TRMT10B: variants seen among roughly 807,000 people sequenced by gnomAD.
The protein encoded by TRMT10B is tRNA methyltransferase 10B.
Under a neutral mutation model 43.8 loss-of-function variants are expected in TRMT10B, and 33 were observed. The ratio of observed to expected loss-of-function variants is 0.75; its 90% confidence interval spans 0.57 to 1.01. TRMT10B has a LOEUF of 1.01. Ranked by LOEUF, TRMT10B falls within the 50% of genes least tolerant of loss-of-function variation. The pLI is 0.00. For synonymous variants in TRMT10B, 137 were observed against 130.6 expected (o/e 1.05, Z -0.34); for missense variants, 362 against 369.8 (o/e 0.98, Z 0.17).
chr9:37,768,945 C>G (rs1459372653), intron 5 of TRMT10B, among the ~76,000 whole-genome samples: 1 of 152,180 alleles, frequency 6.6e-6, no homozygotes, highest in African/African-American at 2.4e-5. Context: ...AGTTCCCTTA[C>G]TTTCCTGTCT....
rs1251665662 is a variant in TRMT10B at position 37,774,496 on chromosome 9, TTTC to T, written c.721-1782_721-1780del. On this transcript the variant is annotated intron_variant, in intron 7 of 8. Transcript: ENST00000297994. ...TCACAGAAATAAGCTAAGAACAACA[TTTC>T]TTCAAGGAGAGTCATTTTATTATGA... is the stretch of plus-strand genomic sequence containing the variant. Among the ~76,000 whole-genome samples, 7 of 152,352 alleles carry T rather than the reference TTTC, an allele frequency of 4.6e-5. No homozygotes were observed. In the East Asian group the frequency reaches 1.3e-3, roughly 29 times the overall value.
chr9:37,755,239 C>G (rs1443565356), intron 1 of TRMT10B, among the ~76,000 whole-genome samples: 1 of 150,710 alleles, frequency 6.6e-6, no homozygotes, highest in Non-Finnish European at 1.5e-5. Context: ...CCACTGCACT[C>G]CAGCCTGGGC....
intron 1 of TRMT10B, among the ~76,000 whole-genome samples, chr9:37,754,985 A>C (rs17515112): frequency 0.13 from 19,377 of 152,186 alleles, 1,400 homozygotes; most frequent in Non-Finnish European, 0.16. Flanking sequence ...TATAAAGGTC[A>C]CAGGGTCGGG....
chr9:37,762,514 T>C, intron 2 of TRMT10B, 63 bp from the exon 3 acceptor site: 1 of 1,517,036 alleles, frequency 6.6e-7, no homozygotes, highest in Non-Finnish European at 8.8e-7. Flanking sequence ...GTTTCTAATG[T>C]TCATTTTCCT....
In TRMT10B at chr9:37,768,112, T is replaced by C. The variant is rs748067236; in HGVS notation, c.457T>C (p.Tyr153His). ...SRLAGQIRRL[Y>H]GSNKKADRPF... is the part of the protein sequence containing the mutation. ...ACTGGCTGGACAGATTCGAAGGTTG[T>C]ATGGTTCAAACAAAAAAGCTGACAG... is the stretch of plus-strand genomic sequence containing the variant. Residue 153 changes from tyrosine to histidine, a missense_variant, in exon 5 of 9, where the codon TAT (tyrosine) becomes CAT (histidine). Transcript: ENST00000297994. The C allele has an allele frequency of 6.2e-7, 1 of 1,614,108 alleles. No individual in the cohort carries two copies. The highest frequency in any genetic ancestry group is 8.5e-7 in the Non-Finnish European group (1 of 1,179,996).
chr9:37,770,604 T>A (rs1033650947), intron 6 of TRMT10B, 68 bp from the exon 7 acceptor site: 1 of 1,384,344 alleles, frequency 7.2e-7, no homozygotes, highest in East Asian at 2.3e-5. Context: ...AATTCTTTCA[T>A]TTTGCTTTCT....
rs766105133 is a variant in TRMT10B at position 37,759,506 on chromosome 9, G to GAGA, written c.-29-2392_-29-2390dup. Among the ~76,000 whole-genome samples the GAGA allele has an allele frequency of 2.0e-5, 3 of 152,238 alleles. No homozygotes were observed. In the South Asian group the frequency reaches 6.2e-4, roughly 32 times the overall value. On this transcript the variant is annotated intron_variant, in intron 1 of 8. Coordinates refer to ENST00000297994, the MANE Select transcript of TRMT10B (RefSeq NM_144964.4). ...GGGATGAAGACTGATTTGGAAAGTG[G>GAGA]AGAAGAAAGTTAAACTTTCTGGGGA...
chr9:37,753,484 C>G (rs550426439), upstream of TRMT10B, among the ~76,000 whole-genome samples: 1 of 151,596 alleles, frequency 6.6e-6, no homozygotes, highest in Non-Finnish European at 1.5e-5. Context: ...CAGTCGGGTG[C>G]GGGCCTTAGA....
chr9:37,768,646 T>C (rs553203716), intron 5 of TRMT10B, among the ~76,000 whole-genome samples: 2 of 152,230 alleles, frequency 1.3e-5, no homozygotes, highest in Non-Finnish European at 2.9e-5. Flanking sequence ...CTCATACATT[T>C]AGTGATACAT....
chr9:37,767,512 C>CAAAAAAAAAAAAAA (rs1376563452), intron 4 of TRMT10B: 3 of 60,864 alleles, frequency 4.9e-5, no homozygotes, highest in South Asian at 5.8e-4. Flanking sequence ...GACCCTGTCT[C>CAAAAAAAAAAAAAA]CAAAAAAAAA....
chr9:37,759,235 C>G (rs962014416), intron 1 of TRMT10B, among the ~76,000 whole-genome samples: 10 of 152,158 alleles, frequency 6.6e-5, no homozygotes, highest in African/African-American at 2.4e-4. Context: ...TGGAAAAGAT[C>G]TCAAATGCCC....
intron 4 of TRMT10B, among the ~76,000 whole-genome samples, chr9:37,764,750 C>T (rs1826800405): frequency 6.6e-6 from 1 of 152,088 alleles, no homozygotes; most frequent in Non-Finnish European, 1.5e-5. Context: ...AATTGATGCT[C>T]ATTCACCTCA....
upstream of TRMT10B, among the ~76,000 whole-genome samples, chr9:37,753,334 G>A (rs1825161249): frequency 6.6e-6 from 1 of 152,204 alleles, no homozygotes; most frequent in African/African-American, 2.4e-5. Context: ...ATTCTGTTGT[G>A]TCAGTCCCCG....
intron 1 of TRMT10B, among the ~76,000 whole-genome samples, chr9:37,754,282 T>G (rs1825353507): frequency 6.6e-6 from 1 of 152,176 alleles, no homozygotes; most frequent in Non-Finnish European, 1.5e-5. Context: ...ATAGGTTATG[T>G]TGGATAGTAA....
rs910078657 is a variant in TRMT10B, at chr9:37,762,025, C to T, written c.94C>T (p.Leu32Phe). The T allele has an allele frequency of 1.9e-6, 3 of 1,614,016 alleles. No individual in the cohort carries two copies. The highest frequency in any genetic ancestry group is 2.7e-5 in the African/African-American group (2 of 74,930). The change falls in exon 2 of 9, where the codon CTT becomes TTT. Residue 32 changes from leucine (L) to phenylalanine (F), a missense_variant. Physicochemically the swap from Leu to Phe is conservative, Grantham distance 22. Transcript: ENST00000297994. ...GILEETGEDGLPEGFQLLQID... is the reference protein window; with the variant it reads ...GILEETGEDGFPEGFQLLQID... Reference sequence around the variant, plus strand: ...CCTAGAGGAGACAGGTGAAGATGGACTTCCTGAAGGCTTCCAGCTTCTGCA... The same window carrying T: ...CCTAGAGGAGACAGGTGAAGATGGATTTCCTGAAGGCTTCCAGCTTCTGCA...
intron 3 of TRMT10B, among the ~76,000 whole-genome samples, chr9:37,763,267 C>T (rs1179396117): frequency 2.0e-5 from 3 of 151,478 alleles, no homozygotes; most frequent in African/African-American, 7.3e-5. Context: ...AATATTTATT[C>T]AGTATTCTGT....
At chr9:37,776,214 CTGTATTACATTGAGAATATACTCA>C (rs1413412058) in intron 7 of TRMT10B, 44 bp from the exon 8 acceptor site, 1 of 1,227,594 alleles carries the variant, frequency 8.1e-7, no homozygotes, top group African/African-American at 1.6e-5. Context: ...ATTTTTAATG[CTGTATTACATTGAGAATATACTCA>C]TGTATAATTT....
At chr9:37,771,086 T>C (rs921043421) in intron 7 of TRMT10B, among the ~76,000 whole-genome samples, 1 of 152,232 alleles carries the variant, frequency 6.6e-6, no homozygotes, top group Non-Finnish European at 1.5e-5. Flanking sequence ...TTGCTCCTTC[T>C]AAGGTTGATC....
At chr9:37,774,071 G>C (rs546985641) in intron 7 of TRMT10B, among the ~76,000 whole-genome samples, 22 of 152,076 alleles carry the variant, frequency 1.4e-4, no homozygotes, top group Non-Finnish European at 2.4e-4. Context: ...TGCTGCCCAG[G>C]CTGGAGGGCA....
Sources: gnomAD v4.1 joint callset for allele counts (sites outside exome capture counted in the v4.1 genomes callset) on GRCh38, gnomAD v4.1.1 for gene constraint, MANE v1.5 for transcripts, NCBI Gene and HGNC (gene_info 2026-07-23, HGNC 2026-07-21) for gene names.